EIF4E3: variants seen among roughly 807,000 people sequenced by gnomAD.
EIF4E3 encodes eukaryotic translation initiation factor 4E type 3.
In EIF4E3, 26 loss-of-function variants were observed where a neutral mutation model predicts 31.7. The ratio of observed to expected loss-of-function variants is 0.82; its 90% CI spans 0.60 to 1.14. The LOEUF (loss-of-function observed/expected upper bound fraction) is 1.14. Ranked by LOEUF, EIF4E3 falls within the 50% of genes most tolerant of loss-of-function variation. The probability of loss-of-function intolerance (pLI) is 0.00; values close to 1 mark genes in which losing one functional copy is unlikely to be tolerated. For synonymous variants in EIF4E3, 128 were observed against 107.7 expected (o/e 1.19, Z -1.17); for missense variants, 304 against 270.9 (o/e 1.12, Z -0.86).
At chr3:71,710,522 C>T (rs1347108182) in intron 1 of EIF4E3, 38 bp from the exon 2 acceptor site, 4 of 1,548,892 alleles carry the variant, frequency 2.6e-6, no homozygotes, top group East Asian at 2.4e-5. Context: ...ACAAACAAAA[C>T]AAGCAGTCAG....
Position 71,696,461 on chromosome 3 carries a change from G to A in EIF4E3, c.404C>T (p.Thr135Met), listed in dbSNP as rs751958629. ...AGAAGAGGATCAGTAGGAACCTACC[G>A]TGCTGTCCTTGGGGACTTTCATCTT... ...VWKMKVPKDS[T>M]STVWKELLLA... The change falls in exon 4 of 7, where the codon ACG becomes ATG. Residue 135 changes from threonine (T) to methionine (M), a missense_variant and splice_region_variant. Physicochemically the swap from Thr to Met is moderately conservative, Grantham distance 81 (BLOSUM62 -1). Transcript: ENST00000425534. 18 of 1,614,088 alleles carry A rather than the reference G, an allele frequency of 1.1e-5. No homozygotes were observed. The highest frequency in any genetic ancestry group is 5.0e-5 in the Admixed American group (3 of 60,014).
upstream of EIF4E3, among the ~76,000 whole-genome samples, chr3:71,729,673 AT>A (rs1386346459): frequency 6.6e-6 from 1 of 152,214 alleles, no homozygotes; most frequent in Non-Finnish European, 1.5e-5. Context: ...GCGTTCATTC[AT>A]TCCACACTCA....
At chr3:71,754,150 CG>C, upstream of EIF4E3, 1 of 1,459,136 alleles carries the variant, frequency 6.9e-7, no homozygotes, top group Non-Finnish European at 9.1e-7. The surrounding 1 kb of genome is among the most constrained non-coding windows in gnomAD (Gnocchi z 5.8). Flanking sequence ...GTGAGCCTAG[CG>C]GGCAACGTGC....
At chr3:71,740,392 C>T (rs2049807758) in intron 1 of EIF4E3, among the ~76,000 whole-genome samples, 1 of 152,142 alleles carries the variant, frequency 6.6e-6, no homozygotes, top group Non-Finnish European at 1.5e-5. Context: ...AACTAAAGGA[C>T]AGAGTGTGCA....
At chr3:71,687,611 G>C (rs2049010199) in intron 6 of EIF4E3, among the ~76,000 whole-genome samples, 1 of 152,218 alleles carries the variant, frequency 6.6e-6, no homozygotes, top group Non-Finnish European at 1.5e-5. Flanking sequence ...TCACTCAGCT[G>C]TTCTGAAGAA....
chr3:71,705,554 T>C (rs1309239528), intron 2 of EIF4E3, among the ~76,000 whole-genome samples: 1 of 152,218 alleles, frequency 6.6e-6, no homozygotes, highest in Non-Finnish European at 1.5e-5. Flanking sequence ...TAAGAAATAC[T>C]GGGTAGAATG....
chr3:71,694,046 A>AAT (rs2049100788), intron 4 of EIF4E3, 105 bp from the exon 5 acceptor site: 19 of 1,136,240 alleles, frequency 1.7e-5, no homozygotes, highest in Non-Finnish European at 2.2e-5. Flanking sequence ...CTTCACATGC[A>AAT]CTTTCTGTGC....
At position 71,680,247 on chromosome 3, in the gene EIF4E3, G is replaced by A. The variant is rs2048907791; in HGVS notation, c.*4435C>T. 6.6e-6 allele frequency: 1 copy of A among 152,118 alleles called. No individual in the cohort carries two copies. Among genetic ancestry groups the A allele is most frequent in the Non-Finnish European group, 1.5e-5 (1 of 68,032 alleles). 9.4% of individuals were successfully genotyped at this position (152,118 alleles called of 1,614,324 possible). ...TATGTGGGAGTTGGATAAAATCAGG[G>A]GTTCTCCAAGAGCGATCTGAGCACC... On this transcript the variant is annotated 3_prime_UTR_variant, in exon 7 of 7. Transcript: ENST00000425534.
intron 1 of EIF4E3, among the ~76,000 whole-genome samples, chr3:71,714,301 GGAAC>G (rs1553664737): frequency 0.022 from 2,104 of 93,890 alleles, 16 homozygotes; most frequent in African/African-American, 0.033. Context: ...AAGGAAGGAA[GGAAC>G]GAAAGAAAGG....
At chr3:71,733,536 C>A (rs77880119) in intron 1 of EIF4E3, among the ~76,000 whole-genome samples, 3,895 of 152,132 alleles carry the variant, frequency 0.026, 120 homozygotes, top group African/African-American at 0.071. Flanking sequence ...GCTGATTTGG[C>A]AAAATATTAG....
At position 71,684,742 on chromosome 3, in the gene EIF4E3, A is replaced by G. The variant is rs201952234; in HGVS notation, c.629-14T>C. ...GCTCTTCATGGGCTAAAGGACAGAAAAAAAACAAAAAAGAAAAAAAGGAAA... is the reference window on the plus strand; with the variant it reads ...GCTCTTCATGGGCTAAAGGACAGAAGAAAAACAAAAAAGAAAAAAAGGAAA... On this transcript the variant is annotated splice_polypyrimidine_tract_variant and intron_variant, in intron 6 of 6. Transcript: ENST00000425534. The G allele has an allele frequency of 6.2e-7, 1 of 1,612,948 alleles. No homozygotes were observed. Among genetic ancestry groups the G allele is most frequent in the Admixed American group, 1.7e-5 (1 of 59,776 alleles).
At chr3:71,707,465 T>TCTAACTTTCA (rs759002730) in intron 2 of EIF4E3, among the ~76,000 whole-genome samples, 3 of 152,122 alleles carry the variant, frequency 2.0e-5, no homozygotes, top group Non-Finnish European at 4.4e-5. Flanking sequence ...CTATATACCA[T>TCTAACTTTCA]CTCATCTAAC....
upstream of EIF4E3, chr3:71,729,257 A>C (rs2049676614): frequency 1.3e-5 from 2 of 152,234 alleles, no homozygotes; most frequent in Admixed American, 6.5e-5. Flanking sequence ...AAGGGAAGGC[A>C]GGGGTCCTAA....
intron 2 of EIF4E3, 39 bp from the exon 3 acceptor site, chr3:71,699,747 G>A (rs760191045): frequency 6.5e-6 from 10 of 1,530,060 alleles, no homozygotes; most frequent in Non-Finnish European, 9.0e-6. Flanking sequence ...AATATACCCA[G>A]TATTGATTTA....
At chr3:71,742,474 G>A (rs1578390004) in intron 1 of EIF4E3, among the ~76,000 whole-genome samples, 1 of 152,084 alleles carries the variant, frequency 6.6e-6, no homozygotes, top group Non-Finnish European at 1.5e-5. Flanking sequence ...ATCTATAAAA[G>A]AAATGAAATA....
intron 2 of EIF4E3, among the ~76,000 whole-genome samples, chr3:71,708,742 G>A (rs1309641500): frequency 6.6e-6 from 1 of 152,148 alleles, no homozygotes; most frequent in South Asian, 2.1e-4. Flanking sequence ...CAAGTGCTCT[G>A]AGGATTAAAA....
chr3:71,732,955 C>T (rs1158564018), intron 1 of EIF4E3, among the ~76,000 whole-genome samples: 2 of 152,218 alleles, frequency 1.3e-5, no homozygotes, highest in East Asian at 1.9e-4. Context: ...TTTGGTGAGG[C>T]TCTACATAAA....
intron 1 of EIF4E3, among the ~76,000 whole-genome samples, chr3:71,720,095 T>C (rs2049524070): frequency 6.6e-6 from 1 of 151,948 alleles, no homozygotes; most frequent in Non-Finnish European, 1.5e-5. Flanking sequence ...TACCATAATC[T>C]CTAAGTCCAT....
the EIF4E3 span, among the ~76,000 whole-genome samples, chr3:71,664,466 G>A: frequency 6.6e-6 from 1 of 151,998 alleles, no homozygotes; most frequent in African/African-American, 2.4e-5. Context: ...ACTTAAGCCT[G>A]GCCTGGCACA....
Sources: gnomAD v4.1 joint callset for allele counts (sites outside exome capture counted in the v4.1 genomes callset) on GRCh38, gnomAD v4.1.1 for gene constraint, Gnocchi (gnomAD v3.1) non-coding constraint, MANE v1.5 for transcripts, NCBI Gene and HGNC (gene_info 2026-07-23, HGNC 2026-07-21) for gene names.